Variants in TXLNB observed in about 807,000 individuals in gnomAD.
TXLNB encodes taxilin beta, also known as beta-taxilin.
Under a neutral mutation model 57.4 loss-of-function variants are expected in TXLNB, and 37 were observed. The observed-to-expected ratio is 0.64, with a 90% confidence interval of 0.50 to 0.85. TXLNB has a LOEUF of 0.85. Among genes scored for constraint, TXLNB ranks in the 40% least tolerant of loss-of-function variants. The pLI is 0.00. For synonymous variants in TXLNB, 302 were observed against 309.6 expected, an observed-to-expected ratio of 0.98 and a Z score of 0.26; for missense variants, 848 against 825.6, an observed-to-expected ratio of 1.03 and a Z score of -0.33.
At chr6:139,222,636 G>C in the TXLNB span, among the ~76,000 whole-genome samples, 2 of 152,042 alleles carry the variant, frequency 1.3e-5, no homozygotes, top group African/African-American at 4.8e-5. Context: ...GCAAAACCTT[G>C]TCTCTACTAA....
the TXLNB span, chr6:139,197,897 G>A: frequency 2.0e-5 from 3 of 152,226 alleles, no homozygotes; most frequent in Non-Finnish European, 4.4e-5. Context: ...GGACCAAGAT[G>A]TAAAAGTGGG....
At chr6:139,321,669 T>C in the TXLNB span, among the ~76,000 whole-genome samples, 3 of 145,884 alleles carry the variant, frequency 2.1e-5, no homozygotes, top group African/African-American at 7.9e-5. Context: ...ATGGAGTCTG[T>C]TGCCCAGGCT....
intron 2 of TXLNB, among the ~76,000 whole-genome samples, chr6:139,282,314 C>G (rs531461659): frequency 1.4e-5 from 2 of 146,570 alleles, no homozygotes; most frequent in African/African-American, 2.5e-5. Context: ...CGGTGGCTCA[C>G]GTCTGCAATC....
chr6:139,280,398 A>C (rs1223938492), intron 2 of TXLNB, among the ~76,000 whole-genome samples: 1 of 152,216 alleles, frequency 6.6e-6, no homozygotes, highest in Non-Finnish European at 1.5e-5. Flanking sequence ...GTTTGGTGAC[A>C]ACTTATGCAG....
chr6:139,249,127 G>A (rs149644469), intron 7 of TXLNB, among the ~76,000 whole-genome samples: 6 of 152,252 alleles, frequency 3.9e-5, no homozygotes, highest in African/African-American at 4.8e-5. Flanking sequence ...GAGATATAGC[G>A]AGGAGCATTT....
chr6:139,213,899 A>G, the TXLNB span, among the ~76,000 whole-genome samples: 5 of 152,184 alleles, frequency 3.3e-5, no homozygotes, highest in Non-Finnish European at 5.9e-5. Context: ...AAATTCCTCG[A>G]CACATACACT....
rs1440123752 is a variant in TXLNB, at chr6:139,241,202, G to T, written c.*1324C>A. 3.3e-5 allele frequency: 5 copies of T among 152,136 alleles called. No homozygotes were observed. The highest frequency in any genetic ancestry group is 7.4e-5 in the Non-Finnish European group (5 of 68,020). 9.4% of individuals were successfully genotyped at this position (152,136 alleles called of 1,614,324 possible). A position where few individuals can be genotyped will look rare whatever the true frequency, so the allele number is the denominator to read the frequency against. On this transcript the variant is annotated 3_prime_UTR_variant, in exon 10 of 10. Transcript: ENST00000358430. ...AAATCATTTTGGTTAAAATCCATTG[G>T]TTTTTTTGTTTTGTACTTCTGGCCT...
At chr6:139,175,409 TAA>T in the TXLNB span, among the ~76,000 whole-genome samples, 1 of 152,240 alleles carries the variant, frequency 6.6e-6, no homozygotes, top group South Asian at 2.1e-4. Flanking sequence ...TTGATTTTTG[TAA>T]AGAGAGTATC....
At chr6:139,202,040 C>A in the TXLNB span, among the ~76,000 whole-genome samples, 1 of 152,160 alleles carries the variant, frequency 6.6e-6, no homozygotes, top group Admixed American at 6.5e-5. Context: ...TTTATTATTT[C>A]TTTTGATTGA....
intron 7 of TXLNB, among the ~76,000 whole-genome samples, 184 bp from the exon 8 acceptor site, chr6:139,248,093 G>A (rs111480363): frequency 3.9e-5 from 6 of 152,284 alleles, no homozygotes; most frequent in South Asian, 2.1e-4. Context: ...TGGAAAAATA[G>A]TCTGGGCGCA....
the TXLNB span, among the ~76,000 whole-genome samples, chr6:139,162,836 C>T: frequency 2.0e-5 from 3 of 152,204 alleles, no homozygotes; most frequent in African/African-American, 7.2e-5. Context: ...TTTGTTCCCT[C>T]TCATATGTCT....
At chr6:139,259,680 C>T (rs1776431609) in intron 6 of TXLNB, among the ~76,000 whole-genome samples, 1 of 152,184 alleles carries the variant, frequency 6.6e-6, no homozygotes, top group South Asian at 2.1e-4. Context: ...TTGCTTGTCT[C>T]TTTCCAGTTA....
At position 139,242,756 on chromosome 6, in the gene TXLNB, CT is replaced by C; in HGVS notation, c.1824del (p.Glu609LysfsTer56). ...GCCTGTGGGGCCTGACCGGAAGCTTCTGCCTCTGGCTTCCAGGACGCCTGAT... is the reference window on the plus strand; with the variant it reads ...GCCTGTGGGGCCTGACCGGAAGCTTCGCCTCTGGCTTCCAGGACGCCTGAT... ...QADQASWKPE[A>X]EASGQAPQAP... On this transcript the variant is annotated frameshift_variant, in exon 10 of 10. Transcript: ENST00000358430. LOFTEE classifies it low-confidence loss of function (END_TRUNC). 6.2e-7 allele frequency: 1 copy of C among 1,614,140 alleles called. No individual in the cohort carries two copies. The highest frequency in any genetic ancestry group is 8.5e-7 in the Non-Finnish European group (1 of 1,180,008).
In TXLNB at chr6:139,262,664, T is replaced by C. The variant is rs1562279020; in HGVS notation, c.797A>G (p.Glu266Gly). The C allele has an allele frequency of 4.3e-6, 7 of 1,614,104 alleles. No homozygotes were observed. Among genetic ancestry groups the C allele is most frequent in the Non-Finnish European group, 5.9e-6 (7 of 1,180,040 alleles). ...DIQGQIEQQS[E>G]RNMKLCQENT... ...CTCCTGACAGAGCTTCATATTTCGC[T>C]CACTCTGCTGCTCGATCTGGCCCTG... is the stretch of plus-strand genomic sequence containing the variant. Residue 266 changes from glutamate (E) to glycine (G), a missense_variant, in exon 5 of 10, where the codon GAG becomes GGG. Transcript: ENST00000358430.
chr6:139,164,942 C>A, the TXLNB span, among the ~76,000 whole-genome samples: 1 of 152,198 alleles, frequency 6.6e-6, no homozygotes, highest in Non-Finnish European at 1.5e-5. Flanking sequence ...GCCCCTTCCA[C>A]CTCTGGCCAC....
At chr6:139,304,454 A>G in the TXLNB span, among the ~76,000 whole-genome samples, 11 of 152,356 alleles carry the variant, frequency 7.2e-5, no homozygotes, top group South Asian at 2.1e-4. Flanking sequence ...GGAAAAGGCA[A>G]TCAGTACCAC....
chr6:139,234,852 G>A, the TXLNB span, among the ~76,000 whole-genome samples: 16 of 152,318 alleles, frequency 1.1e-4, no homozygotes, highest in East Asian at 1.5e-3. Context: ...CACCATGTGC[G>A]TGGAAAAGCC....
At chr6:139,250,533 C>A (rs1020188770) in intron 7 of TXLNB, among the ~76,000 whole-genome samples, 1 of 151,934 alleles carries the variant, frequency 6.6e-6, no homozygotes, top group Non-Finnish European at 1.5e-5. Flanking sequence ...GGAACAACTA[C>A]CCCCAGCAGA....
At chr6:139,307,894 A>G in the TXLNB span, among the ~76,000 whole-genome samples, 1 of 152,200 alleles carries the variant, frequency 6.6e-6, no homozygotes, top group South Asian at 2.1e-4. Context: ...TTTTACACAA[A>G]TTTGCTCCTG....
Sources: gnomAD v4.1 joint callset for allele counts (sites outside exome capture counted in the v4.1 genomes callset) on GRCh38, gnomAD v4.1.1 for gene constraint, MANE v1.5 for transcripts, NCBI Gene and HGNC (gene_info 2026-07-23, HGNC 2026-07-21) for gene names.